The following NARS2 variants were observed in gnomAD, a reference collection of about 807,000 sequenced individuals.
NARS2 encodes asparaginyl-tRNA synthetase.
NARS2 carries 60 observed loss-of-function variants against 62.9 expected under a neutral mutation model. That is an observed-to-expected ratio of 0.95 (90% CI 0.77 to 1.18). NARS2 has a LOEUF of 1.18. NARS2 is among the 50% of genes most tolerant of loss of function. The pLI is 0.00. For missense variants in NARS2, 619 were observed against 576.4 expected (o/e 1.07, Z -0.76); for synonymous variants, 196 against 200.0 (o/e 0.98, Z 0.17).
chr11:78,567,080 T>A (rs7937225), intron 3 of NARS2, among the ~76,000 whole-genome samples: 101,077 of 151,982 alleles, frequency 0.67, 35,190 homozygotes, highest in Non-Finnish European at 0.79. Flanking sequence ...TTCCCTAATG[T>A]TGGAATACTT....
intron 5 of NARS2, among the ~76,000 whole-genome samples, chr11:78,538,501 T>C (rs761646070): frequency 2.5e-4 from 38 of 152,110 alleles, no homozygotes; most frequent in Non-Finnish European, 5.0e-4. Context: ...TACTGGGGTA[T>C]GGGAAGGGCT....
chr11:78,528,689 C>T (rs531697675), intron 6 of NARS2, among the ~76,000 whole-genome samples, 153 bp downstream of exon 6: 121 of 152,230 alleles, frequency 7.9e-4, no homozygotes, highest in African/African-American at 2.8e-3. Context: ...AAACAAAAGT[C>T]TGTACTACAA....
intron 5 of NARS2, among the ~76,000 whole-genome samples, chr11:78,538,994 C>CAAAAAAAAAAAAAAAAAA (rs59917269): frequency 1.2e-4 from 6 of 49,794 alleles, no homozygotes; most frequent in East Asian, 2.9e-3. Context: ...GAATCCGTCT[C>CAAAAAAAAAAAAAAAAAA]AAAAAAAAAA....
intron 10 of NARS2, among the ~76,000 whole-genome samples, chr11:78,466,490 G>GT (rs11442688): frequency 0.011 from 1,657 of 151,748 alleles, 26 homozygotes; most frequent in African/African-American, 0.037. Flanking sequence ...GGTGACTTTT[G>GT]TTTTTTTTGA....
chr11:78,522,098 A>G (rs976357807), intron 6 of NARS2, among the ~76,000 whole-genome samples: 2 of 149,096 alleles, frequency 1.3e-5, no homozygotes, highest in African/African-American at 2.5e-5. Flanking sequence ...GAATACTGGT[A>G]TGTGCCACTA....
chr11:78,511,724 A>G (rs923982774), intron 6 of NARS2, among the ~76,000 whole-genome samples: 8 of 150,586 alleles, frequency 5.3e-5, no homozygotes, highest in African/African-American at 9.7e-5. Context: ...CTCCAAAGAA[A>G]AAAAAAAAAA....
At chr11:78,524,230 T>A (rs1382653077) in intron 6 of NARS2, among the ~76,000 whole-genome samples, 1 of 152,166 alleles carries the variant, frequency 6.6e-6, no homozygotes, top group African/African-American at 2.4e-5. Context: ...ACATTTAGAT[T>A]ATTAGTAATT....
rs765310305 is a variant in NARS2 at position 78,436,787 on chromosome 11, A to C, written c.1317T>G (p.Ser439=). Residue 439 remains serine, a synonymous_variant, in exon 14 of 14, where the codon TCT becomes TCG. Coordinates refer to ENST00000281038, the MANE Select transcript of NARS2 (RefSeq NM_024678.6). ...CCATCCCAAAACCTCCATGTGGCAC[A>C]GATCCAAATCGACGAAGGTCCAGAT... ...QWYLDLRRFG[S]VPHGGFGMGF... is the part of the protein sequence containing the mutation. 6.2e-7 allele frequency: 1 copy of C among 1,614,080 alleles called. No homozygotes were observed. The highest frequency in any genetic ancestry group is 1.3e-5 in the African/African-American group (1 of 74,958).
intron 7 of NARS2, among the ~76,000 whole-genome samples, chr11:78,491,024 A>G (rs1418905549): frequency 6.6e-6 from 1 of 152,234 alleles, no homozygotes; most frequent in African/African-American, 2.4e-5. Context: ...ATATGGTAAA[A>G]TATAATTGTA....
At chr11:78,532,624 C>G (rs767374862) in intron 5 of NARS2, among the ~76,000 whole-genome samples, 2 of 152,184 alleles carry the variant, frequency 1.3e-5, no homozygotes, top group Non-Finnish European at 2.9e-5. Flanking sequence ...CTTCCTATTA[C>G]AGATTAACCT....
At chr11:78,525,955 C>T (rs1861280038) in intron 6 of NARS2, among the ~76,000 whole-genome samples, 1 of 151,982 alleles carries the variant, frequency 6.6e-6, no homozygotes, top group African/African-American at 2.4e-5. Context: ...AGAGTACATT[C>T]CACAGGTCGT....
At chr11:78,532,042 T>C (rs1461063673) in intron 5 of NARS2, among the ~76,000 whole-genome samples, 1 of 152,250 alleles carries the variant, frequency 6.6e-6, no homozygotes, top group Non-Finnish European at 1.5e-5. Flanking sequence ...TTCACCTCAA[T>C]TCTTGAAAGT....
chr11:78,527,009 T>C (rs1438933307), intron 6 of NARS2, among the ~76,000 whole-genome samples: 3 of 152,198 alleles, frequency 2.0e-5, no homozygotes, highest in Admixed American at 6.5e-5. Flanking sequence ...ACTTGTTCCA[T>C]TAGTCTATTT....
chr11:78,466,685 G>A (rs1221203848), intron 10 of NARS2, among the ~76,000 whole-genome samples: 9 of 152,154 alleles, frequency 5.9e-5, no homozygotes, highest in South Asian at 2.1e-4. Flanking sequence ...GTTTCACTAC[G>A]TTGGCCAGGC....
intron 9 of NARS2, among the ~76,000 whole-genome samples, chr11:78,476,779 G>C (rs1421834968): frequency 6.6e-6 from 1 of 152,010 alleles, no homozygotes; most frequent in African/African-American, 2.4e-5. Flanking sequence ...TTATGGACAA[G>C]GACTCCAAAG....
At chr11:78,515,772 C>T (rs1860886988) in intron 6 of NARS2, among the ~76,000 whole-genome samples, 2 of 152,180 alleles carry the variant, frequency 1.3e-5, no homozygotes, top group South Asian at 4.1e-4. Flanking sequence ...CGTCCTCTTG[C>T]CTCGGCCTCC....
intron 7 of NARS2, among the ~76,000 whole-genome samples, chr11:78,491,601 A>T (rs907016430): frequency 6.6e-6 from 1 of 152,208 alleles, no homozygotes; most frequent in African/African-American, 2.4e-5. Flanking sequence ...AGATGGGACA[A>T]CTGTTCCCAT....
At chr11:78,522,227 G>A (rs562309857) in intron 6 of NARS2, among the ~76,000 whole-genome samples, 11 of 151,758 alleles carry the variant, frequency 7.2e-5, no homozygotes, top group Admixed American at 2.0e-4. Context: ...CAAAGCACTG[G>A]GATTATAGGC....
chr11:78,484,094 C>T (rs1859471013), intron 7 of NARS2, among the ~76,000 whole-genome samples: 1 of 152,144 alleles, frequency 6.6e-6, no homozygotes. Context: ...CACACATCTA[C>T]AACCATTTGA....
Sources: gnomAD v4.1 joint callset for allele counts (sites outside exome capture counted in the v4.1 genomes callset) on GRCh38, gnomAD v4.1.1 for gene constraint, MANE v1.5 for transcripts, NCBI Gene and HGNC (gene_info 2026-07-23, HGNC 2026-07-21) for gene names.